ERG: variants seen among roughly 807,000 people sequenced by gnomAD.
ERG encodes ETS transcription factor ERG, also known as transcriptional regulator ERG.
ERG carries 9 observed loss-of-function variants against 55.3 expected under a neutral mutation model. The observed-to-expected ratio is 0.16, with a 90% CI of 0.10 to 0.28. The LOEUF (loss-of-function observed/expected upper bound fraction) is 0.28. Among genes scored for constraint, ERG ranks in the 10% least tolerant of loss-of-function variants. ERG has a pLI of 1.00. For synonymous variants in ERG, 223 were observed against 237.3 expected (o/e 0.94, Z 0.55); for missense variants, 434 against 631.6 (o/e 0.69, Z 3.35).
chr21:38,585,656 C>G (rs2060059643), upstream of ERG, among the ~76,000 whole-genome samples: 1 of 148,738 alleles, frequency 6.7e-6, no homozygotes, highest in Admixed American at 6.9e-5. Context: ...TTGTAAATGG[C>G]ATCTGTTTCC....
intron 1 of ERG, among the ~76,000 whole-genome samples, chr21:38,600,477 C>T (rs1052259661): frequency 6.6e-6 from 1 of 152,146 alleles, no homozygotes; most frequent in African/African-American, 2.4e-5. Context: ...GAGAAAGACC[C>T]TCCAGAGTGC....
chr21:38,385,936 A>C (rs2146417044), intron 9 of ERG, among the ~76,000 whole-genome samples: 1 of 152,332 alleles, frequency 6.6e-6, no homozygotes, highest in South Asian at 2.1e-4. Context: ...TTTGAAAATA[A>C]ATATTCAGCG....
chr21:38,466,871 A>T (rs77049744), intron 1 of ERG, among the ~76,000 whole-genome samples: 2,826 of 152,246 alleles, frequency 0.019, 75 homozygotes, highest in East Asian at 0.13. Flanking sequence ...TAATCCTACC[A>T]TGTTACACTT....
intron 1 of ERG, among the ~76,000 whole-genome samples, chr21:38,591,236 A>G (rs2060098769): frequency 6.6e-6 from 1 of 152,342 alleles, no homozygotes; most frequent in South Asian, 2.1e-4. Flanking sequence ...AACCATACGC[A>G]TTGAGAACAG....
intron 3 of ERG, among the ~76,000 whole-genome samples, chr21:38,416,658 C>T (rs1461230703): frequency 6.6e-6 from 1 of 152,204 alleles, no homozygotes; most frequent in African/African-American, 2.4e-5. Flanking sequence ...AGAATATCCA[C>T]ATTTAAGTAA....
At chr21:38,473,884 G>A (rs1489772954) in intron 1 of ERG, 2 of 151,708 alleles carry the variant, frequency 1.3e-5, no homozygotes, top group East Asian at 1.9e-4. Context: ...ATGTGTGAGC[G>A]TATGTGTGTG....
intron 2 of ERG, among the ~76,000 whole-genome samples, chr21:38,570,914 T>C (rs986169354): frequency 5.3e-5 from 8 of 152,232 alleles, no homozygotes; most frequent in African/African-American, 1.7e-4. Flanking sequence ...TATGATTAGC[T>C]GGTGAACAAC....
At chr21:38,390,634 C>T (rs973877004) in intron 9 of ERG, among the ~76,000 whole-genome samples, 1 of 152,126 alleles carries the variant, frequency 6.6e-6, no homozygotes, top group African/African-American at 2.4e-5. Context: ...AGGACAGATC[C>T]CTCCCTCACA....
chr21:38,655,304 G>A (rs991019373), intron 1 of ERG, among the ~76,000 whole-genome samples: 54 of 152,034 alleles, frequency 3.6e-4, no homozygotes, highest in African/African-American at 1.3e-3. Flanking sequence ...TCACTCTCAT[G>A]TCAAGCAGAA....
At chr21:38,440,505 G>A (rs1216063677) in intron 2 of ERG, among the ~76,000 whole-genome samples, 1 of 152,164 alleles carries the variant, frequency 6.6e-6, no homozygotes, top group Non-Finnish European at 1.5e-5. Context: ...CTTTTATGGA[G>A]CTGCACCTGA....
intron 1 of ERG, among the ~76,000 whole-genome samples, chr21:38,626,657 G>A (rs760964860): frequency 4.0e-5 from 6 of 151,076 alleles, no homozygotes; most frequent in Admixed American, 6.6e-5. Flanking sequence ...AGGGAAGCAC[G>A]TTATGAAAAT....
intron 1 of ERG, among the ~76,000 whole-genome samples, chr21:38,580,711 C>G (rs1455358297): frequency 1.3e-5 from 2 of 152,126 alleles, no homozygotes; most frequent in Non-Finnish European, 2.9e-5. Flanking sequence ...ATGCCAATGT[C>G]TTACTAAATA....
At position 38,409,488 on chromosome 21, in the gene ERG, TAAAAAAAAAA is replaced by T. The variant is rs71330329; in HGVS notation, c.389-5789_389-5780del. ...GCAACAAGAGCGAAACTCCGTCTCA[TAAAAAAAAAA>T]AAAAAAAAAAAAAGACTCCGTGATC... On this transcript the variant is annotated intron_variant, in intron 3 of 9. Transcript: ENST00000288319. 1.3e-4 allele frequency among the ~76,000 whole-genome samples: 10 copies of T among 79,532 alleles called. No individual in the cohort carries two copies. In the East Asian group the frequency reaches 4.0e-3, roughly 31 times the overall value. The allele number at this position is 79,532 out of a possible 152,430, so 52.2% of individuals were successfully genotyped here. A position where few individuals can be genotyped will look rare whatever the true frequency, so the allele number is the denominator to read the frequency against.
chr21:38,449,405 T>C (rs953986771), intron 1 of ERG, among the ~76,000 whole-genome samples: 1 of 152,232 alleles, frequency 6.6e-6, no homozygotes, highest in Non-Finnish European at 1.5e-5. Context: ...AGTACTGTAG[T>C]ATTGATTATT....
At position 38,660,984 on chromosome 21, in the gene ERG, G is replaced by C. The variant is rs771697905; in HGVS notation, c.-150+674C>G. Among the ~76,000 whole-genome samples, 247 of 152,038 alleles carry C rather than the reference G, an allele frequency of 1.6e-3. 1 individual carries two copies. Among genetic ancestry groups the C allele is most frequent in the Middle Eastern group, 3.2e-3 (1 of 314 alleles). On this transcript the variant is annotated intron_variant, in intron 1 of 10. Coordinates refer to the ERG transcript ENST00000398910. ...TGCTCGGGTTTAGGACGCGGCTGGC[G>C]GCTCCGGGAGGAAGAGGAGGAGGAA... is the stretch of plus-strand genomic sequence containing the variant.
At chr21:38,459,926 T>C (rs2059025372) in intron 1 of ERG, among the ~76,000 whole-genome samples, 1 of 152,188 alleles carries the variant, frequency 6.6e-6, no homozygotes, top group South Asian at 2.1e-4. Context: ...GGTAAATTTA[T>C]AACCTTGTTT....
chr21:38,634,340 AT>A (rs2060375272), intron 1 of ERG, among the ~76,000 whole-genome samples: 1 of 152,216 alleles, frequency 6.6e-6, no homozygotes, highest in African/African-American at 2.4e-5. Flanking sequence ...ATGGAGGCAT[AT>A]TTGAGGTCGA....
intron 1 of ERG, among the ~76,000 whole-genome samples, chr21:38,618,767 T>C (rs1431435481): frequency 6.6e-6 from 1 of 150,786 alleles, no homozygotes; most frequent in East Asian, 1.9e-4. Flanking sequence ...GTCACATCCA[T>C]GTGGGTTCTA....
At chr21:38,458,955 G>C (rs2059015803) in intron 1 of ERG, among the ~76,000 whole-genome samples, 1 of 152,110 alleles carries the variant, frequency 6.6e-6, no homozygotes. Context: ...CATACTGTTG[G>C]CCACTCTCCC....
Sources: allele counts gnomAD v4.1 joint callset (sites outside exome capture counted in the v4.1 genomes callset), GRCh38; gene constraint gnomAD v4.1.1; transcripts MANE v1.5; gene names NCBI Gene and HGNC (gene_info 2026-07-23, HGNC 2026-07-21).